The following ANO6 variants were observed in gnomAD, a reference collection of about 807,000 sequenced individuals.
The protein encoded by ANO6 is anoctamin-6.
ANO6 carries 106 observed loss-of-function variants against 117.5 expected under a neutral mutation model. The observed-to-expected ratio is 0.90, with a 90% CI of 0.77 to 1.06. The LOEUF (loss-of-function observed/expected upper bound fraction) is 1.06, where lower values mean the gene tolerates loss of function less well. Among genes scored for constraint, ANO6 ranks in the 50% least tolerant of loss-of-function variants. The probability of loss-of-function intolerance (pLI) is 0.00; values close to 1 mark genes in which losing one functional copy is unlikely to be tolerated. For missense variants in ANO6, 955 were observed against 1,121.1 expected (o/e 0.85, Z 2.12); for synonymous variants, 367 against 385.1 (o/e 0.95, Z 0.55).
At chr12:45,301,616 CAAA>C (rs1225757195) in intron 1 of ANO6, among the ~76,000 whole-genome samples, 10 of 75,820 alleles carry the variant, frequency 1.3e-4, no homozygotes, top group Non-Finnish European at 1.7e-4. Flanking sequence ...GACCTTGTCT[CAAA>C]AAAAAAAAAA....
intron 7 of ANO6, among the ~76,000 whole-genome samples, chr12:45,351,982 G>A (rs535143701): frequency 1.3e-4 from 20 of 152,158 alleles, no homozygotes; most frequent in African/African-American, 4.8e-4. Flanking sequence ...GAGCAGATTT[G>A]GGATGTGTTT....
At chr12:45,315,855 G>A (rs1307064011) in intron 2 of ANO6, among the ~76,000 whole-genome samples, 2 of 151,862 alleles carry the variant, frequency 1.3e-5, no homozygotes, top group African/African-American at 2.4e-5. Context: ...TCTCACCCCC[G>A]TCCAGTTAAT....
intron 1 of ANO6, among the ~76,000 whole-genome samples, chr12:45,243,334 A>G (rs1333773312): frequency 1.3e-5 from 2 of 152,106 alleles, no homozygotes; most frequent in Admixed American, 6.5e-5. Context: ...AGTAATTGTA[A>G]TAAGTTGTTT....
Position 45,431,544 on chromosome 12 carries a change from C to A in ANO6, c.*2233C>A. 1 of 981,860 alleles carries A rather than the reference C, an allele frequency of 1.0e-6. No individual in the cohort carries two copies. Among genetic ancestry groups the A allele is most frequent in the Non-Finnish European group, 1.2e-6 (1 of 827,026 alleles). 60.8% of individuals were successfully genotyped at this position (981,860 alleles called of 1,614,324 possible). A position where few individuals can be genotyped will look rare whatever the true frequency, so the allele number is the denominator to read the frequency against. On this transcript the variant is annotated 3_prime_UTR_variant, in exon 20 of 20. Transcript: ENST00000320560. ...GCTGTGGACAGGAGGGGAAAAAAAA[C>A]CCTCTACATATTGAAAGGCACCAAA...
At chr12:45,306,495 A>G (rs1939673739) in intron 2 of ANO6, among the ~76,000 whole-genome samples, 1 of 152,168 alleles carries the variant, frequency 6.6e-6, no homozygotes, top group South Asian at 2.1e-4. Flanking sequence ...AGTGTCACAG[A>G]TACACAGAGA....
Position 45,388,243 on chromosome 12 carries a change from A to G in ANO6, c.1248A>G (p.Glu416=). 2 of 1,614,156 alleles carry G rather than the reference A, an allele frequency of 1.2e-6. No homozygotes were observed. Among genetic ancestry groups the G allele is most frequent in the South Asian group, 2.2e-5 (2 of 91,080 alleles). Residue 416 remains glutamate (E), a synonymous_variant, in exon 11 of 20, where the codon GAA becomes GAG. Coordinates refer to ENST00000320560, the MANE Select transcript of ANO6 (RefSeq NM_001025356.3). ...ATACTGTTGAGTTACAGCAGGAAGA[A>G]CAAGCCCGACCAGAATACGAAGCAC... ...EWDTVELQQE[E]QARPEYEARC...
chr12:45,288,309 A>G (rs1006460847), intron 1 of ANO6, among the ~76,000 whole-genome samples: 4 of 152,190 alleles, frequency 2.6e-5, no homozygotes, highest in Non-Finnish European at 5.9e-5. Context: ...GTACATTCAC[A>G]TTGTTGTGCA....
chr12:45,302,915 TG>T (rs1230222068), intron 2 of ANO6, among the ~76,000 whole-genome samples: 3 of 152,156 alleles, frequency 2.0e-5, no homozygotes, highest in African/African-American at 4.8e-5. Context: ...AGTGCAGAAA[TG>T]TTTTTTTATT....
intron 4 of ANO6, 60 bp downstream of exon 4, chr12:45,347,147 A>G: frequency 1.3e-6 from 2 of 1,491,628 alleles, no homozygotes; most frequent in Middle Eastern, 1.7e-4. Context: ...GCTTCGTGCC[A>G]CTTGGAATAC....
intron 9 of ANO6, among the ~76,000 whole-genome samples, chr12:45,377,379 G>A (rs1039190859): frequency 6.6e-6 from 1 of 152,124 alleles, no homozygotes; most frequent in Non-Finnish European, 1.5e-5. Flanking sequence ...AGCAGAACTA[G>A]TAAATAAAGC....
intron 1 of ANO6, among the ~76,000 whole-genome samples, chr12:45,237,118 G>A (rs1057315698): frequency 7.2e-5 from 11 of 152,150 alleles, no homozygotes; most frequent in African/African-American, 2.4e-4. Flanking sequence ...GTAGATTCTG[G>A]ATAGTAGCCC....
At chr12:45,343,060 C>G (rs983304880) in intron 3 of ANO6, among the ~76,000 whole-genome samples, 10 of 152,052 alleles carry the variant, frequency 6.6e-5, no homozygotes, top group African/African-American at 2.4e-4. Context: ...AGGTCACTTG[C>G]GAGCATGCTG....
chr12:45,327,029 G>A (rs183239856), intron 2 of ANO6, among the ~76,000 whole-genome samples: 122 of 152,288 alleles, frequency 8.0e-4, no homozygotes, highest in Middle Eastern at 3.4e-3. Flanking sequence ...GGCCTAGTCT[G>A]TATTGCCCTT....
At chr12:45,234,459 A>T (rs1359131760) in intron 1 of ANO6, among the ~76,000 whole-genome samples, 1 of 152,164 alleles carries the variant, frequency 6.6e-6, no homozygotes, top group Non-Finnish European at 1.5e-5. Flanking sequence ...CTCGTTTGGT[A>T]ACTGAAAGAG....
intron 15 of ANO6, among the ~76,000 whole-genome samples, chr12:45,409,054 A>G (rs1943018800): frequency 6.6e-6 from 1 of 152,236 alleles, no homozygotes; most frequent in African/African-American, 2.4e-5. Context: ...GGGGGAAATG[A>G]AAAAACAAAC....
At chr12:45,292,060 C>A (rs1402210212) in intron 1 of ANO6, among the ~76,000 whole-genome samples, 1 of 152,130 alleles carries the variant, frequency 6.6e-6, no homozygotes, top group East Asian at 1.9e-4. Context: ...GAAACAACAC[C>A]CGTGTCCATC....
chr12:45,284,767 A>G (rs975658959), intron 1 of ANO6, among the ~76,000 whole-genome samples: 3 of 152,202 alleles, frequency 2.0e-5, no homozygotes, highest in African/African-American at 7.2e-5. Context: ...AGTAAATGAT[A>G]GTTATTATGT....
rs1010311855 is a variant in ANO6 at position 45,431,115 on chromosome 12, G to A, written c.*1804G>A. The A allele has an allele frequency of 1.0e-6, 1 of 985,264 alleles. No individual in the cohort carries two copies. The highest frequency in any genetic ancestry group is 1.2e-6 in the Non-Finnish European group (1 of 829,944). 61.0% of individuals were successfully genotyped at this position (985,264 alleles called of 1,614,324 possible). A position where few individuals can be genotyped will look rare whatever the true frequency, so the allele number is the denominator to read the frequency against. Reference sequence around the variant, plus strand: ...CTTTTGAATTGTCCCAGTGGATCCGGGACCCCATTTCACTGTCTCTCTTGA... The same window carrying A: ...CTTTTGAATTGTCCCAGTGGATCCGAGACCCCATTTCACTGTCTCTCTTGA... On this transcript the variant is annotated 3_prime_UTR_variant, in exon 20 of 20. Transcript: ENST00000320560.
At chr12:45,309,052 A>G (rs931958464) in intron 2 of ANO6, among the ~76,000 whole-genome samples, 1 of 152,110 alleles carries the variant, frequency 6.6e-6, no homozygotes, top group African/African-American at 2.4e-5. Flanking sequence ...AGAAAGAGGG[A>G]TTCTTAAATA....
Sources: allele counts gnomAD v4.1 joint callset (sites outside exome capture counted in the v4.1 genomes callset), GRCh38; gene constraint gnomAD v4.1.1; transcripts MANE v1.5; gene names NCBI Gene and HGNC (gene_info 2026-07-23, HGNC 2026-07-21).